The following MAGI1 variants were observed in gnomAD, a reference collection of about 807,000 sequenced individuals.
MAGI1 encodes the protein membrane-associated guanylate kinase, WW and PDZ domain-containing protein 1.
In MAGI1, 58 loss-of-function variants were observed where a neutral mutation model predicts 139.9. The ratio of observed to expected loss-of-function variants is 0.41; its 90% confidence interval spans 0.34 to 0.52. MAGI1 has a LOEUF of 0.52. Ranked by LOEUF, MAGI1 falls within the 20% of genes least tolerant of loss-of-function variation. The probability of loss-of-function intolerance (pLI) is 0.12; values close to 1 mark genes in which losing one functional copy is unlikely to be tolerated. For synonymous variants in MAGI1, 812 were observed against 737.9 expected, an observed-to-expected ratio of 1.10 and a Z score of -1.63; for missense variants, 1,874 against 1,901.6, an observed-to-expected ratio of 0.99 and a Z score of 0.27.
rs866614504 is a variant in MAGI1, at chr3:65,491,230, C to T, written c.550+2282G>A. On this transcript the variant is annotated intron_variant, in intron 3 of 22. Coordinates refer to ENST00000402939, the MANE Select transcript of MAGI1 (RefSeq NM_001033057.2). ...TCCTTCTCTAGCATTCTAGAACTGGCTGTGCAACTCTGAAATAGTTATTTA... is the reference window on the plus strand; with the variant it reads ...TCCTTCTCTAGCATTCTAGAACTGGTTGTGCAACTCTGAAATAGTTATTTA... Among the ~76,000 whole-genome samples the T allele has an allele frequency of 5.9e-5, 9 of 152,238 alleles. No individual in the cohort carries two copies. In the South Asian group the frequency reaches 1.5e-3, roughly 25 times the overall value.
intron 1 of MAGI1, among the ~76,000 whole-genome samples, chr3:65,756,533 T>C (rs1404110876): frequency 6.6e-6 from 1 of 152,162 alleles, no homozygotes; most frequent in Non-Finnish European, 1.5e-5. Context: ...ATAAATGATA[T>C]ATGTTCATCC....
intron 1 of MAGI1, among the ~76,000 whole-genome samples, chr3:66,020,262 C>T (rs764566302): frequency 5.9e-5 from 9 of 152,168 alleles, no homozygotes; most frequent in Non-Finnish European, 1.3e-4. Context: ...CATGGTGAAA[C>T]TCCATCTCTA....
At chr3:65,508,042 T>C (rs545976396) in intron 2 of MAGI1, among the ~76,000 whole-genome samples, 2 of 152,284 alleles carry the variant, frequency 1.3e-5, no homozygotes, top group East Asian at 1.9e-4. Flanking sequence ...ACTTTAAAAA[T>C]AACTATCTCA....
intron 2 of MAGI1, among the ~76,000 whole-genome samples, chr3:65,563,455 G>A (rs1457474316): frequency 6.6e-6 from 1 of 152,156 alleles, no homozygotes; most frequent in Non-Finnish European, 1.5e-5. Context: ...TGTGATTCCT[G>A]AAGTGAGGTC....
chr3:66,004,010 T>G (rs750304370), intron 1 of MAGI1: 3 of 152,134 alleles, frequency 2.0e-5, no homozygotes, highest in African/African-American at 7.2e-5. Flanking sequence ...CCCACCCCCT[T>G]TGTAAACTAA....
At chr3:65,973,147 TC>T (rs1467001470) in intron 1 of MAGI1, among the ~76,000 whole-genome samples, 1 of 151,742 alleles carries the variant, frequency 6.6e-6, no homozygotes, top group Non-Finnish European at 1.5e-5. Flanking sequence ...AGACCCTGTC[TC>T]AAAAAATAAT....
intron 1 of MAGI1, among the ~76,000 whole-genome samples, chr3:65,899,460 G>A (rs183820196): frequency 1.3e-5 from 2 of 152,320 alleles, no homozygotes; most frequent in East Asian, 3.9e-4. Context: ...GAAGGCAGGG[G>A]AGGAAATGTC....
intron 1 of MAGI1, among the ~76,000 whole-genome samples, chr3:65,944,803 A>C (rs13087289): frequency 6.6e-6 from 1 of 152,232 alleles, no homozygotes; most frequent in Non-Finnish European, 1.5e-5. Flanking sequence ...ATAAGGGAAG[A>C]TAGTTGGGGT....
At chr3:65,717,153 A>G (rs1384993139) in intron 1 of MAGI1, among the ~76,000 whole-genome samples, 7 of 152,234 alleles carry the variant, frequency 4.6e-5, no homozygotes, top group African/African-American at 1.7e-4. Flanking sequence ...ATATGATAAC[A>G]GAAGCAGGCT....
intron 1 of MAGI1, among the ~76,000 whole-genome samples, chr3:65,865,708 T>G (rs1284045998): frequency 6.6e-6 from 1 of 152,238 alleles, no homozygotes; most frequent in African/African-American, 2.4e-5. Context: ...TGGCGCAATC[T>G]CGGCTCACTG....
intron 1 of MAGI1, among the ~76,000 whole-genome samples, chr3:65,973,806 T>A (rs930784829): frequency 6.6e-6 from 1 of 152,248 alleles, no homozygotes; most frequent in Non-Finnish European, 1.5e-5. Flanking sequence ...TATTATTTAT[T>A]TGACCCAAGT....
At chr3:65,589,493 T>TA (rs1332277900) in intron 2 of MAGI1, among the ~76,000 whole-genome samples, 1 of 152,176 alleles carries the variant, frequency 6.6e-6, no homozygotes, top group Non-Finnish European at 1.5e-5. Context: ...ATTTATTGGG[T>TA]ATCTCCCCTG....
intron 1 of MAGI1, among the ~76,000 whole-genome samples, chr3:65,818,461 C>A (rs2108237611): frequency 6.6e-6 from 1 of 152,154 alleles, no homozygotes; most frequent in Non-Finnish European, 1.5e-5. Flanking sequence ...GGGGTCCAAC[C>A]CAGACGTGGG....
At chr3:65,453,457 T>C (rs1290452438) in intron 5 of MAGI1, 117 bp from the exon 6 acceptor site, 2 of 737,298 alleles carry the variant, frequency 2.7e-6, no homozygotes, top group African/African-American at 3.5e-5. Flanking sequence ...ACAAAGATGC[T>C]TTCCAACAGC....
chr3:65,439,325 A>G (rs1371067179), intron 9 of MAGI1, among the ~76,000 whole-genome samples: 3 of 152,166 alleles, frequency 2.0e-5, no homozygotes, highest in Admixed American at 6.5e-5. Flanking sequence ...ATATCCCTAG[A>G]AAATTTCTGC....
intron 1 of MAGI1, among the ~76,000 whole-genome samples, chr3:65,729,682 A>G (rs2033990233): frequency 1.3e-5 from 2 of 152,132 alleles, no homozygotes. Context: ...GAAGCTCCCC[A>G]TCGCTAATGA....
chr3:65,380,325 C>A (rs1369942047), intron 16 of MAGI1, among the ~76,000 whole-genome samples: 2 of 152,222 alleles, frequency 1.3e-5, no homozygotes, highest in Non-Finnish European at 2.9e-5. Context: ...CCAAAAGCTT[C>A]TCTTTTCATA....
At chr3:65,883,052 A>G (rs913485219) in intron 1 of MAGI1, among the ~76,000 whole-genome samples, 1 of 152,182 alleles carries the variant, frequency 6.6e-6, no homozygotes, top group African/African-American at 2.4e-5. Context: ...CCAGTGGCCT[A>G]CATCAACAAT....
chr3:65,403,958 G>A (rs1178598618), intron 12 of MAGI1, among the ~76,000 whole-genome samples: 5 of 152,190 alleles, frequency 3.3e-5, no homozygotes, highest in African/African-American at 1.2e-4. Flanking sequence ...TATCTCTACA[G>A]GTAACAACAT....
Sources: gnomAD v4.1 joint callset for allele counts (sites outside exome capture counted in the v4.1 genomes callset) on GRCh38, gnomAD v4.1.1 for gene constraint, MANE v1.5 for transcripts, NCBI Gene and HGNC (gene_info 2026-07-23, HGNC 2026-07-21) for gene names.